SLC44A1: variants seen among roughly 807,000 people sequenced by gnomAD.
SLC44A1 encodes the protein solute carrier family 44 member 1, also known as choline transporter-like protein 1.
SLC44A1 carries 26 observed loss-of-function variants against 79.3 expected under a neutral mutation model. That is an observed-to-expected ratio of 0.33 (90% confidence interval 0.24 to 0.46). The LOEUF (loss-of-function observed/expected upper bound fraction) is 0.46, where lower values mean the gene tolerates loss of function less well. Among genes scored for constraint, SLC44A1 ranks in the 20% least tolerant of loss-of-function variants. The probability of loss-of-function intolerance (pLI) is 1.00; values close to 1 mark genes in which losing one functional copy is unlikely to be tolerated. For synonymous variants in SLC44A1, 263 were observed against 286.2 expected (o/e 0.92, Z 0.82); for missense variants, 688 against 798.1 (o/e 0.86, Z 1.66).
At chr9:105,423,387 A>T (rs1163812283) in intron 15 of SLC44A1, among the ~76,000 whole-genome samples, 1 of 151,978 alleles carries the variant, frequency 6.6e-6, no homozygotes, top group Admixed American at 6.6e-5. Flanking sequence ...AATCACTTAA[A>T]CCCAGGAGAT....
At chr9:105,264,155 A>G (rs1221843537) in intron 1 of SLC44A1, among the ~76,000 whole-genome samples, 2 of 151,792 alleles carry the variant, frequency 1.3e-5, no homozygotes, top group Non-Finnish European at 2.9e-5. Context: ...GTTTGGATCA[A>G]TGTTCAGTCT....
chr9:105,427,729 T>C (rs940619564), intron 15 of SLC44A1, among the ~76,000 whole-genome samples: 1 of 152,214 alleles, frequency 6.6e-6, no homozygotes, highest in Non-Finnish European at 1.5e-5. Context: ...GTGAAGGCAC[T>C]CTATGAATGT....
intron 3 of SLC44A1, among the ~76,000 whole-genome samples, chr9:105,334,948 C>T (rs990601683): frequency 3.3e-5 from 5 of 152,032 alleles, no homozygotes; most frequent in South Asian, 4.2e-4. Context: ...TCTAAAGATG[C>T]GGATTCTGAA....
chr9:105,425,550 T>TAGTG (rs1829309645), intron 15 of SLC44A1, among the ~76,000 whole-genome samples: 1 of 152,002 alleles, frequency 6.6e-6, no homozygotes, highest in Admixed American at 6.6e-5. Flanking sequence ...GGGCCAGGTG[T>TAGTG]AGTGGCTCAC....
intron 1 of SLC44A1, among the ~76,000 whole-genome samples, chr9:105,281,127 C>A (rs1259891782): frequency 6.6e-6 from 1 of 152,174 alleles, no homozygotes; most frequent in Non-Finnish European, 1.5e-5. Context: ...CTTGAGGGAG[C>A]TGGACCTGTA....
At chr9:105,248,962 G>C (rs1346604791) in intron 1 of SLC44A1, among the ~76,000 whole-genome samples, 2 of 152,184 alleles carry the variant, frequency 1.3e-5, no homozygotes, top group Non-Finnish European at 2.9e-5. Context: ...TAGAGGCCAG[G>C]AGATTTTGCA....
At chr9:105,416,447 A>G (rs1260360028) in intron 15 of SLC44A1, among the ~76,000 whole-genome samples, 1 of 152,068 alleles carries the variant, frequency 6.6e-6, no homozygotes. Flanking sequence ...AGAAGTGTGT[A>G]TAATGTGTCA....
At chr9:105,427,620 A>G (rs1307309584) in intron 15 of SLC44A1, among the ~76,000 whole-genome samples, 2 of 152,106 alleles carry the variant, frequency 1.3e-5, no homozygotes, top group African/African-American at 4.8e-5. Context: ...CTTTTATTAA[A>G]CTTTTATTTA....
At chr9:105,408,663 G>T (rs750041968) in intron 15 of SLC44A1, among the ~76,000 whole-genome samples, 6 of 152,090 alleles carry the variant, frequency 3.9e-5, no homozygotes, top group Non-Finnish European at 8.8e-5. Context: ...CACCCACCTC[G>T]GCTTCCCAAA....
At chr9:105,410,691 A>T (rs539886074) in intron 15 of SLC44A1, among the ~76,000 whole-genome samples, 39 of 152,356 alleles carry the variant, frequency 2.6e-4, no homozygotes, top group African/African-American at 9.1e-4. Flanking sequence ...GCAGGTATAT[A>T]TCCCAAATGA....
rs1419467143 is a variant in SLC44A1 at position 105,244,655 on chromosome 9, G to T, written c.-214G>T. On this transcript the variant is annotated 5_prime_UTR_variant, in exon 1 of 16. Transcript: ENST00000374720. ...CTGCAGCAGGAGCAGAGCAGGAGAC[G>T]CGTAGCCGCCGTCGCCGCCGCCGGG... The T allele has an allele frequency of 8.2e-6, 2 of 245,396 alleles. No homozygotes were observed. Among genetic ancestry groups the T allele is most frequent in the Non-Finnish European group, 7.7e-6 (1 of 129,222 alleles). 15.2% of individuals were successfully genotyped at this position (245,396 alleles called of 1,614,324 possible).
chr9:105,436,389 G>A (rs548506460), intron 15 of SLC44A1, among the ~76,000 whole-genome samples: 84 of 152,212 alleles, frequency 5.5e-4, no homozygotes, highest in African/African-American at 2.0e-3. Flanking sequence ...AAAAAATCAT[G>A]AAAGTTGAAA....
At chr9:105,263,904 C>A (rs1358613086) in intron 1 of SLC44A1, among the ~76,000 whole-genome samples, 1 of 152,068 alleles carries the variant, frequency 6.6e-6, no homozygotes, top group Non-Finnish European at 1.5e-5. Flanking sequence ...CCCCACCCTC[C>A]CCATTTTCTG....
chr9:105,374,249 C>T (rs896900041), intron 12 of SLC44A1, among the ~76,000 whole-genome samples: 6 of 152,172 alleles, frequency 3.9e-5, no homozygotes, highest in African/African-American at 1.4e-4. Context: ...TTACAGTGCA[C>T]TGCTGATGTT....
At chr9:105,373,205 C>T (rs1828167987) in intron 12 of SLC44A1, among the ~76,000 whole-genome samples, 1 of 152,138 alleles carries the variant, frequency 6.6e-6, no homozygotes, top group African/African-American at 2.4e-5. Context: ...AAAGTAAGCC[C>T]TTTATCTCCA....
chr9:105,247,556 C>T (rs1829487086), intron 1 of SLC44A1, among the ~76,000 whole-genome samples: 1 of 152,214 alleles, frequency 6.6e-6, no homozygotes, highest in African/African-American at 2.4e-5. Context: ...CTCGGCCTCC[C>T]AAAGTGCTGG....
chr9:105,435,704 G>C (rs889321780), intron 15 of SLC44A1, among the ~76,000 whole-genome samples: 1 of 152,110 alleles, frequency 6.6e-6, no homozygotes, highest in African/African-American at 2.4e-5. Context: ...ACAATGGCTC[G>C]ACCATGGTGT....
intron 1 of SLC44A1, among the ~76,000 whole-genome samples, chr9:105,259,170 A>G (rs769951707): frequency 6.6e-6 from 1 of 152,148 alleles, no homozygotes; most frequent in Non-Finnish European, 1.5e-5. Flanking sequence ...GGGCCCTTCC[A>G]TATTTTCTTC....
Position 105,389,168 on chromosome 9 carries a change from T to G in SLC44A1, c.*112T>G. 6.8e-7 allele frequency: 1 copy of G among 1,468,574 alleles called. No individual in the cohort carries two copies. The highest frequency in any genetic ancestry group is 9.2e-7 in the Non-Finnish European group (1 of 1,086,812). The allele number at this position is 1,468,574 out of a possible 1,614,324, so 91.0% of individuals were successfully genotyped here. A position where few individuals can be genotyped will look rare whatever the true frequency, so the allele number is the denominator to read the frequency against. ...ATATGTATATGTATGTGTGTATATA[T>G]GTATATGTATATACACACACACACA... On this transcript the variant is annotated 3_prime_UTR_variant, in exon 16 of 16. Transcript: ENST00000374720.
Sources: allele counts gnomAD v4.1 joint callset (sites outside exome capture counted in the v4.1 genomes callset), GRCh38; gene constraint gnomAD v4.1.1; transcripts MANE v1.5; gene names NCBI Gene and HGNC (gene_info 2026-07-23, HGNC 2026-07-21).